ZBTB20: variants seen among roughly 807,000 people sequenced by gnomAD.
ZBTB20 encodes the protein zinc finger and BTB domain-containing protein 20.
A neutral mutation model predicts 56.9 loss-of-function variants in ZBTB20; 9 were observed. That is an observed-to-expected ratio of 0.16 (90% CI 0.10 to 0.28). The LOEUF (loss-of-function observed/expected upper bound fraction) is 0.28. ZBTB20 is among the 10% of genes least tolerant of loss of function. The probability of loss-of-function intolerance (pLI) is 1.00; values close to 1 mark genes in which losing one functional copy is unlikely to be tolerated. For synonymous variants in ZBTB20, 417 were observed against 420.7 expected (o/e 0.99, Z 0.11); for missense variants, 655 against 1,003.0 (o/e 0.65, Z 4.69).
At chr3:114,605,558 A>G (rs1390856182) in intron 6 of ZBTB20, among the ~76,000 whole-genome samples, 1 of 152,244 alleles carries the variant, frequency 6.6e-6, no homozygotes, top group Non-Finnish European at 1.5e-5. Context: ...GCAGAGACAA[A>G]AGACATAATT....
At chr3:114,520,384 T>C (rs1175396366) in intron 6 of ZBTB20, among the ~76,000 whole-genome samples, 1 of 152,172 alleles carries the variant, frequency 6.6e-6, no homozygotes, top group East Asian at 1.9e-4. Context: ...CTACGTGATC[T>C]CATGTACATA....
At chr3:114,794,089 G>C (rs934448017) in intron 5 of ZBTB20, among the ~76,000 whole-genome samples, 1 of 151,794 alleles carries the variant, frequency 6.6e-6, no homozygotes, top group African/African-American at 2.4e-5. Flanking sequence ...AGGTCTAATA[G>C]TAATACAAAC....
At chr3:114,705,190 C>T (rs1218856869) in intron 5 of ZBTB20, among the ~76,000 whole-genome samples, 1 of 152,064 alleles carries the variant, frequency 6.6e-6, no homozygotes, top group Non-Finnish European at 1.5e-5. Flanking sequence ...TAATACTAAC[C>T]CTTCCCTCAC....
At chr3:115,037,226 G>C (rs892491923) in intron 2 of ZBTB20, among the ~76,000 whole-genome samples, 1 of 152,082 alleles carries the variant, frequency 6.6e-6, no homozygotes, top group African/African-American at 2.4e-5. Context: ...AAAGTAACAA[G>C]CACAGTAAGG....
chr3:115,058,934 A>T (rs1456208162), intron 2 of ZBTB20, among the ~76,000 whole-genome samples: 2 of 152,092 alleles, frequency 1.3e-5, no homozygotes, highest in African/African-American at 4.8e-5. Context: ...ACATTCACTA[A>T]TCCTTTTTCT....
At chr3:114,753,787 T>C (rs923496253) in intron 5 of ZBTB20, among the ~76,000 whole-genome samples, 6 of 152,060 alleles carry the variant, frequency 3.9e-5, no homozygotes, top group Non-Finnish European at 8.8e-5. Context: ...CATTATAATA[T>C]AAACTTCATG....
At chr3:115,027,659 G>A (rs921498847) in intron 2 of ZBTB20, 42 of 150,836 alleles carry the variant, frequency 2.8e-4, no homozygotes, top group African/African-American at 1.0e-3. Context: ...TCATATGGAA[G>A]ACAATGCATA....
intron 5 of ZBTB20, among the ~76,000 whole-genome samples, chr3:114,780,389 T>G (rs2069990848): frequency 6.6e-6 from 1 of 152,218 alleles, no homozygotes; most frequent in Admixed American, 6.5e-5. Flanking sequence ...ACAGAAAGGC[T>G]TTTTCATTGG....
intron 6 of ZBTB20, among the ~76,000 whole-genome samples, chr3:114,633,308 C>T (rs964091510): frequency 6.6e-6 from 1 of 152,158 alleles, no homozygotes; most frequent in Non-Finnish European, 1.5e-5. Context: ...CAAGTTTTTT[C>T]AACTTCTAAT....
chr3:114,982,675 A>C (rs181343904), intron 2 of ZBTB20, among the ~76,000 whole-genome samples: 274 of 152,166 alleles, frequency 1.8e-3, no homozygotes, highest in Non-Finnish European at 3.4e-3. Context: ...AATAAAGCAG[A>C]ATGTTCAAAG....
chr3:114,807,479 TTCTC>T (rs1338237698), intron 4 of ZBTB20, among the ~76,000 whole-genome samples: 4 of 151,366 alleles, frequency 2.6e-5, no homozygotes, highest in East Asian at 3.9e-4. Flanking sequence ...TCTAATTTGC[TTCTC>T]TCTCTCTTTC....
intron 6 of ZBTB20, among the ~76,000 whole-genome samples, chr3:114,579,445 T>C (rs2054419925): frequency 6.6e-6 from 1 of 150,498 alleles, no homozygotes; most frequent in Non-Finnish European, 1.5e-5. Context: ...AAATTTAGAG[T>C]CTGAAATTCA....
chr3:115,083,235 ATAT>A (rs1255166804), intron 1 of ZBTB20, among the ~76,000 whole-genome samples: 2 of 152,074 alleles, frequency 1.3e-5, no homozygotes, highest in Non-Finnish European at 2.9e-5. Context: ...TTCATTAGGA[ATAT>A]TATTAAAGAA....
intron 4 of ZBTB20, among the ~76,000 whole-genome samples, chr3:114,840,792 AT>A (rs2074353284): frequency 6.6e-6 from 1 of 152,212 alleles, no homozygotes; most frequent in African/African-American, 2.4e-5. Flanking sequence ...TATAGGAATC[AT>A]GCAGTTTAGG....
chr3:115,079,797 T>C (rs956117024), intron 1 of ZBTB20, among the ~76,000 whole-genome samples: 3 of 152,204 alleles, frequency 2.0e-5, no homozygotes, highest in South Asian at 2.1e-4. Context: ...AAACCTTCAA[T>C]AATTCAATTG....
At chr3:114,663,097 A>G (rs1235769602) in intron 6 of ZBTB20, among the ~76,000 whole-genome samples, 4 of 150,436 alleles carry the variant, frequency 2.7e-5, no homozygotes, top group Admixed American at 1.3e-4. Context: ...CAGATTCACC[A>G]AAGTTGAAAT....
At chr3:115,021,253 T>C (rs2080192287) in intron 2 of ZBTB20, among the ~76,000 whole-genome samples, 1 of 150,954 alleles carries the variant, frequency 6.6e-6, no homozygotes, top group Non-Finnish European at 1.5e-5. Flanking sequence ...ATTTTGGATT[T>C]AGTCAGCTTG....
chr3:114,863,186 T>C (rs1041689378), intron 4 of ZBTB20, among the ~76,000 whole-genome samples: 1 of 152,128 alleles, frequency 6.6e-6, no homozygotes, highest in African/African-American at 2.4e-5. Flanking sequence ...AGTATACTGA[T>C]TAATTACAAC....
At chr3:114,544,898 T>C (rs2049679823) in intron 6 of ZBTB20, among the ~76,000 whole-genome samples, 1 of 152,160 alleles carries the variant, frequency 6.6e-6, no homozygotes, top group African/African-American at 2.4e-5. Context: ...TACCAAAACA[T>C]GGAAGATAGT....
Sources: gnomAD v4.1 joint callset for allele counts (sites outside exome capture counted in the v4.1 genomes callset) on GRCh38, gnomAD v4.1.1 for gene constraint, MANE v1.5 for transcripts, NCBI Gene and HGNC (gene_info 2026-07-23, HGNC 2026-07-21) for gene names.